The following NKAIN3 variants were observed in gnomAD, a reference collection of about 807,000 sequenced individuals.
NKAIN3 encodes the protein sodium/potassium-transporting ATPase subunit beta-1-interacting protein 3.
NKAIN3 carries 25 observed loss-of-function variants against 30.2 expected under a neutral mutation model. The ratio of observed to expected loss-of-function variants is 0.83; its 90% CI spans 0.60 to 1.16. NKAIN3 has a LOEUF of 1.16. Among genes scored for constraint, NKAIN3 ranks in the 50% most tolerant of loss-of-function variants. The probability of loss-of-function intolerance (pLI) is 0.00; values close to 1 mark genes in which losing one functional copy is unlikely to be tolerated. For missense variants in NKAIN3, 225 were observed against 254.1 expected (o/e 0.89, Z 0.78); for synonymous variants, 91 against 89.6 (o/e 1.02, Z -0.09).
At chr8:62,317,618 C>T (rs1283721642) in intron 1 of NKAIN3, among the ~76,000 whole-genome samples, 6 of 152,158 alleles carry the variant, frequency 3.9e-5, no homozygotes, top group Non-Finnish European at 8.8e-5. Context: ...GGGCTCTGTT[C>T]TGTTCCATTC....
chr8:62,273,902 A>G (rs1812849204), intron 1 of NKAIN3, among the ~76,000 whole-genome samples: 1 of 152,118 alleles, frequency 6.6e-6, no homozygotes, highest in South Asian at 2.1e-4. Flanking sequence ...TGATATGTAA[A>G]TCCCCCCTTC....
At chr8:62,838,345 T>TAC (rs1484124469) in intron 4 of NKAIN3, among the ~76,000 whole-genome samples, 1 of 151,830 alleles carries the variant, frequency 6.6e-6, no homozygotes, top group Non-Finnish European at 1.5e-5. Flanking sequence ...CACACATATA[T>TAC]ACACACATAC....
intron 1 of NKAIN3, among the ~76,000 whole-genome samples, chr8:62,351,993 A>G (rs73684965): frequency 0.04 from 6,089 of 152,266 alleles, 436 homozygotes; most frequent in African/African-American, 0.14. Flanking sequence ...TGTATGGATG[A>G]ACACTATGGA....
intron 4 of NKAIN3, among the ~76,000 whole-genome samples, chr8:62,865,678 C>G (rs1179468260): frequency 6.6e-6 from 1 of 151,960 alleles, no homozygotes; most frequent in Non-Finnish European, 1.5e-5. Context: ...TAGCTGAGTA[C>G]TATATTATTG....
At chr8:62,277,286 A>G (rs1411372066) in intron 1 of NKAIN3, among the ~76,000 whole-genome samples, 2 of 152,154 alleles carry the variant, frequency 1.3e-5, no homozygotes, top group Non-Finnish European at 2.9e-5. Context: ...CTGCATGATT[A>G]CTGTTTTGTA....
chr8:62,358,648 A>G (rs1336525142), intron 1 of NKAIN3, among the ~76,000 whole-genome samples: 1 of 152,198 alleles, frequency 6.6e-6, no homozygotes, highest in Non-Finnish European at 1.5e-5. Context: ...TGTAATAGAA[A>G]ATTAAGGAAA....
At chr8:62,411,021 C>T (rs1054728879) in intron 1 of NKAIN3, among the ~76,000 whole-genome samples, 8 of 152,132 alleles carry the variant, frequency 5.3e-5, no homozygotes, top group Non-Finnish European at 1.2e-4. Flanking sequence ...GGCAGAGGGG[C>T]TCCTTCCTAA....
intron 1 of NKAIN3, among the ~76,000 whole-genome samples, chr8:62,577,486 T>TG (rs199989465): frequency 0.082 from 12,192 of 148,380 alleles, 565 homozygotes; most frequent in East Asian, 0.15. Context: ...TGGTTTTTTT[T>TG]TTTGTTTGTT....
In NKAIN3 at chr8:62,969,651, A is replaced by G. The variant is rs1391434090; in HGVS notation, c.*4244A>G. 6.6e-6 allele frequency among the ~76,000 whole-genome samples: 1 copy of G among 152,216 alleles called. No individual in the cohort carries two copies. Among genetic ancestry groups the G allele is most frequent in the Non-Finnish European group, 1.5e-5 (1 of 68,036 alleles). On this transcript the variant is annotated 3_prime_UTR_variant, in exon 7 of 7. Coordinates refer to ENST00000623646, the MANE Select transcript of NKAIN3 (RefSeq NM_001304533.3). The stretch of plus-strand genomic sequence containing the variant: ...CCCAAGATACGTTCTTTCCAGGTAT[A>G]GCTGAATTAAGTAGGAAAAATATAA...
intron 4 of NKAIN3, among the ~76,000 whole-genome samples, chr8:62,797,951 G>T (rs1237052454): frequency 6.6e-6 from 1 of 152,172 alleles, no homozygotes; most frequent in Non-Finnish European, 1.5e-5. Flanking sequence ...CCAGATGCTA[G>T]ACATGGAACA....
At chr8:62,512,222 C>T (rs927638895) in intron 1 of NKAIN3, among the ~76,000 whole-genome samples, 3 of 152,106 alleles carry the variant, frequency 2.0e-5, no homozygotes, top group African/African-American at 7.2e-5. Context: ...TTTAAGAAGG[C>T]ATTGTGGATA....
chr8:62,677,845 G>C (rs1813523085), intron 3 of NKAIN3, among the ~76,000 whole-genome samples: 1 of 152,190 alleles, frequency 6.6e-6, no homozygotes, highest in Non-Finnish European at 1.5e-5. Context: ...TACACTTGAA[G>C]ATGTACCCCT....
intron 2 of NKAIN3, among the ~76,000 whole-genome samples, chr8:62,585,600 G>T (rs907201941): frequency 6.6e-6 from 1 of 152,094 alleles, no homozygotes; most frequent in African/African-American, 2.4e-5. Flanking sequence ...ATAAGTAGCC[G>T]CAGCCTAGAT....
At chr8:62,763,259 A>AAAAC (rs1563551311) in intron 4 of NKAIN3, among the ~76,000 whole-genome samples, 3 of 140,380 alleles carry the variant, frequency 2.1e-5, no homozygotes, top group Admixed American at 7.2e-5. Context: ...AAAAAAAAAA[A>AAAAC]AACTTATATA....
chr8:62,467,389 G>T (rs1022372971), intron 1 of NKAIN3, among the ~76,000 whole-genome samples: 1 of 152,048 alleles, frequency 6.6e-6, no homozygotes, highest in Non-Finnish European at 1.5e-5. Context: ...GAAAACAAAG[G>T]TACAACACCT....
intron 3 of NKAIN3, among the ~76,000 whole-genome samples, chr8:62,668,129 C>CAT (rs949104689): frequency 6.6e-6 from 1 of 151,858 alleles, no homozygotes; most frequent in Non-Finnish European, 1.5e-5. Context: ...CACACACACA[C>CAT]ACAGTCACAT....
At chr8:62,645,488 G>A (rs1281956498) in intron 3 of NKAIN3, among the ~76,000 whole-genome samples, 2 of 152,110 alleles carry the variant, frequency 1.3e-5, no homozygotes, top group East Asian at 1.9e-4. Context: ...ATATTAATTA[G>A]GATAACTATC....
intron 1 of NKAIN3, among the ~76,000 whole-genome samples, chr8:62,386,255 T>A (rs1817421991): frequency 6.6e-6 from 1 of 152,220 alleles, no homozygotes; most frequent in Non-Finnish European, 1.5e-5. Flanking sequence ...TCTCTTCAAA[T>A]CTCAGTTGGC....
chr8:62,955,764 C>T (rs182132585), intron 6 of NKAIN3, among the ~76,000 whole-genome samples: 3 of 152,316 alleles, frequency 2.0e-5, no homozygotes, highest in East Asian at 1.9e-4. Flanking sequence ...TCTAAAGTCA[C>T]TTCCATCTCT....
Sources: gnomAD v4.1 joint callset for allele counts (sites outside exome capture counted in the v4.1 genomes callset) on GRCh38, gnomAD v4.1.1 for gene constraint, MANE v1.5 for transcripts, NCBI Gene and HGNC (gene_info 2026-07-23, HGNC 2026-07-21) for gene names.